Variants in PVT1 observed in about 807,000 individuals in gnomAD.
The protein encoded by PVT1 is Pvt1 oncogene.
intron 3 of PVT1, chr8:127,960,632 T>G (rs1177413043): frequency 1.9e-6 from 1 of 517,146 alleles, no homozygotes; most frequent in Non-Finnish European, 4.0e-6. Flanking sequence ...CACTTATCAC[T>G]GAAGGCCTCT....
intron 3 of PVT1, among the ~76,000 whole-genome samples, chr8:127,987,704 A>G (rs537151594): frequency 6.1e-4 from 93 of 152,346 alleles, no homozygotes; most frequent in Non-Finnish European, 1.2e-3. Flanking sequence ...TAAGTAGTAG[A>G]ACTGGGACAC....
At chr8:127,963,339 TG>T (rs1816667861) in intron 3 of PVT1, among the ~76,000 whole-genome samples, 1 of 152,200 alleles carries the variant, frequency 6.6e-6, no homozygotes, top group Non-Finnish European at 1.5e-5. Flanking sequence ...TGTGTGTCCC[TG>T]GTGCTTCTCT....
chr8:128,002,927 C>G (rs891768607), intron 4 of PVT1, among the ~76,000 whole-genome samples: 3 of 150,002 alleles, frequency 2.0e-5, no homozygotes, highest in Non-Finnish European at 4.4e-5. Flanking sequence ...TCCTTCCTCC[C>G]TCCCTGTCTC....
chr8:127,945,285 C>T (rs1816406521), intron 3 of PVT1, among the ~76,000 whole-genome samples: 1 of 152,122 alleles, frequency 6.6e-6, no homozygotes, highest in Admixed American at 6.5e-5. Flanking sequence ...AGAGCTCATC[C>T]AGGATTTATA....
At chr8:128,015,559 G>A (rs1817362943) in intron 4 of PVT1, among the ~76,000 whole-genome samples, 1 of 152,014 alleles carries the variant, frequency 6.6e-6, no homozygotes, top group Admixed American at 6.6e-5. Context: ...TAGATCACGA[G>A]GTCAAGAAAT....
At chr8:127,927,776 C>T (rs538599715) in intron 3 of PVT1, among the ~76,000 whole-genome samples, 4 of 152,148 alleles carry the variant, frequency 2.6e-5, no homozygotes, top group African/African-American at 7.2e-5. Context: ...CACTTGTGCC[C>T]GCTGCAGGTG....
At chr8:127,875,515 G>C (rs901639647) in intron 2 of PVT1, among the ~76,000 whole-genome samples, 1 of 152,192 alleles carries the variant, frequency 6.6e-6, no homozygotes, top group Admixed American at 6.5e-5. Context: ...GATTTAAAGG[G>C]ATGTGGCCAA....
chr8:127,846,980 CTTTTTTTTTTT>C (rs34437112), intron 2 of PVT1, among the ~76,000 whole-genome samples: 3 of 62,424 alleles, frequency 4.8e-5, no homozygotes, highest in African/African-American at 1.4e-4. Flanking sequence ...TGCACATGGC[CTTTTTTTTTTT>C]TTTTTTTTTT....
chr8:128,003,695 G>A (rs1272895711), intron 4 of PVT1, among the ~76,000 whole-genome samples: 2 of 152,112 alleles, frequency 1.3e-5, no homozygotes, highest in Non-Finnish European at 2.9e-5. Flanking sequence ...AATAATATAG[G>A]CATTCATATG....
chr8:128,055,363 T>G, intron 4 of PVT1, among the ~76,000 whole-genome samples: 1 of 152,242 alleles, frequency 6.6e-6, no homozygotes, highest in South Asian at 2.1e-4. Context: ...GGTAAGTTAC[T>G]TAACTTTTCC....
rs1286651983 is a variant in PVT1, at chr8:127,812,570, G to T, written n.372+16499G>T. 2.9e-5 allele frequency among the ~76,000 whole-genome samples: 4 copies of T among 136,588 alleles called. No individual in the cohort carries two copies. In the East Asian group the frequency reaches 8.8e-4, roughly 30 times the overall value. The allele number at this position is 136,588 out of a possible 152,430, so 89.6% of individuals were successfully genotyped here. ...ACAAGACCTTGTCAAAAAAAGAAAA[G>T]AAAGAAAAGGAGAGAGGGAGGGAAG... On this transcript the variant is annotated intron_variant and non_coding_transcript_variant, in intron 2 of 10. Transcript: ENST00000651587.
At chr8:127,794,893 G>A (rs994352164) in intron 1 of PVT1, among the ~76,000 whole-genome samples, 2 of 152,066 alleles carry the variant, frequency 1.3e-5, no homozygotes, top group Admixed American at 1.3e-4. Flanking sequence ...CAAGACTGGT[G>A]GCGAGTTTGG....
intron 2 of PVT1, among the ~76,000 whole-genome samples, chr8:127,884,599 G>A (rs917424637): frequency 1.3e-5 from 2 of 152,212 alleles, no homozygotes; most frequent in Non-Finnish European, 1.5e-5. Flanking sequence ...TCACCAGCAC[G>A]TATGAATTCC....
At chr8:128,045,194 T>C (rs1813596581) in intron 4 of PVT1, among the ~76,000 whole-genome samples, 1 of 152,220 alleles carries the variant, frequency 6.6e-6, no homozygotes, top group South Asian at 2.1e-4. Context: ...GCCCCACTTG[T>C]ACCCCTTGTG....
intron 2 of PVT1, among the ~76,000 whole-genome samples, chr8:127,810,871 G>A (rs950881026): frequency 1.3e-5 from 2 of 151,954 alleles, no homozygotes; most frequent in Admixed American, 1.3e-4. Flanking sequence ...ATCTCCTTAC[G>A]CTGGTTCTGA....
chr8:127,911,120 C>T (rs1001963943), intron 3 of PVT1, among the ~76,000 whole-genome samples: 1 of 152,120 alleles, frequency 6.6e-6, no homozygotes, highest in Non-Finnish European at 1.5e-5. Flanking sequence ...CCTCCTCTTC[C>T]TCCTGCCCTG....
At chr8:128,000,664 A>T (rs562586313) in intron 4 of PVT1, among the ~76,000 whole-genome samples, 2 of 152,326 alleles carry the variant, frequency 1.3e-5, no homozygotes, top group African/African-American at 4.8e-5. Context: ...TGTGCCTGAC[A>T]GTGTCACCGT....
At chr8:128,089,645 C>T (rs1814324167) in intron 5 of PVT1, among the ~76,000 whole-genome samples, 1 of 152,218 alleles carries the variant, frequency 6.6e-6, no homozygotes, top group Admixed American at 6.5e-5. Context: ...TAATTAAACA[C>T]ACAATTACGC....
At chr8:128,091,611 A>G (rs139846674) in intron 5 of PVT1, among the ~76,000 whole-genome samples, 24 of 152,340 alleles carry the variant, frequency 1.6e-4, no homozygotes, top group Non-Finnish European at 3.1e-4. Flanking sequence ...TACATGAAAG[A>G]GCGGTAAGGT....
Sources: gnomAD v4.1 joint callset for allele counts (sites outside exome capture counted in the v4.1 genomes callset) on GRCh38, gnomAD v4.1.1 for gene constraint, MANE v1.5 for transcripts, NCBI Gene and HGNC (gene_info 2026-07-23, HGNC 2026-07-21) for gene names.